Variants in CLVS1 observed in about 807,000 individuals in gnomAD.
CLVS1 encodes the protein clavesin 1, also known as clavesin-1.
A neutral mutation model predicts 33.1 loss-of-function variants in CLVS1; 10 were observed. That is an observed-to-expected ratio of 0.30 (90% confidence interval 0.19 to 0.51). The LOEUF (loss-of-function observed/expected upper bound fraction) is 0.51, where lower values mean the gene tolerates loss of function less well. Ranked by LOEUF, CLVS1 falls within the 20% of genes least tolerant of loss-of-function variation. The pLI is 0.97. For missense variants in CLVS1, 343 were observed against 433.4 expected, an observed-to-expected ratio of 0.79 and a Z score of 1.85; for synonymous variants, 163 against 166.1, an observed-to-expected ratio of 0.98 and a Z score of 0.14.
At chr8:61,483,716 T>C (rs1042447733) in intron 5 of CLVS1, among the ~76,000 whole-genome samples, 2 of 152,176 alleles carry the variant, frequency 1.3e-5, no homozygotes, top group Non-Finnish European at 2.9e-5. Context: ...ACTGGCAAAC[T>C]GAATGCAGCA....
intron 2 of CLVS1, among the ~76,000 whole-genome samples, chr8:61,304,986 C>T (rs931747226): frequency 1.2e-4 from 18 of 152,056 alleles, no homozygotes; most frequent in African/African-American, 3.6e-4. Flanking sequence ...CTCTGAACCC[C>T]GATGGCCAGC....
chr8:61,427,890 C>T (rs1055416844), intron 3 of CLVS1, among the ~76,000 whole-genome samples: 10 of 152,226 alleles, frequency 6.6e-5, no homozygotes, highest in African/African-American at 2.4e-4. Flanking sequence ...TGCAGGCCTC[C>T]TTCTCCGGAG....
intron 1 of CLVS1, among the ~76,000 whole-genome samples, chr8:61,066,794 G>A (rs562337054): frequency 6.6e-6 from 1 of 152,362 alleles, no homozygotes; most frequent in African/African-American, 2.4e-5. Flanking sequence ...TCAGGGGAAA[G>A]TGTCCACGCA....
rs186140868 is a variant in CLVS1 at position 61,084,783 on chromosome 8, C to A, written c.-243+27553C>A. Among the ~76,000 whole-genome samples the A allele has an allele frequency of 3.3e-5, 5 of 152,272 alleles. No homozygotes were observed. In the East Asian group the frequency reaches 9.6e-4, roughly 29 times the overall value. The stretch of plus-strand genomic sequence containing the variant: ...GCTGCAGAGAAATCCCAATACTGAT[C>A]TAAAAGTTTGAAACTGTCTCCCCAA... On this transcript the variant is annotated intron_variant, in intron 1 of 2. Transcript: ENST00000522621.
At chr8:61,274,505 C>T (rs1809526572) in intron 2 of CLVS1, among the ~76,000 whole-genome samples, 1 of 152,104 alleles carries the variant, frequency 6.6e-6, no homozygotes, top group Non-Finnish European at 1.5e-5. Flanking sequence ...TCTCCCCCTG[C>T]ATCTTAACCA....
At chr8:61,371,585 C>A (rs1813441229) in intron 2 of CLVS1, among the ~76,000 whole-genome samples, 1 of 152,190 alleles carries the variant, frequency 6.6e-6, no homozygotes, top group African/African-American at 2.4e-5. Flanking sequence ...ACATGGTTAT[C>A]TGATCACTTA....
intron 2 of CLVS1, among the ~76,000 whole-genome samples, chr8:61,261,023 T>G (rs1353778608): frequency 1.3e-5 from 2 of 152,196 alleles, no homozygotes; most frequent in Non-Finnish European, 2.9e-5. Context: ...GACCTCAGAA[T>G]CTATATTTTA....
At chr8:61,139,919 G>T (rs1199193987) in intron 2 of CLVS1, among the ~76,000 whole-genome samples, 2 of 152,154 alleles carry the variant, frequency 1.3e-5, no homozygotes, top group African/African-American at 4.8e-5. Context: ...AGAAGGGAGG[G>T]AGTCTTTTTG....
At chr8:61,467,655 G>A (rs1817595555) in intron 5 of CLVS1, among the ~76,000 whole-genome samples, 1 of 152,158 alleles carries the variant, frequency 6.6e-6, no homozygotes, top group Admixed American at 6.5e-5. Flanking sequence ...CACCATACAG[G>A]AATGGCAGGT....
intron 1 of CLVS1, among the ~76,000 whole-genome samples, chr8:61,291,436 A>AGGT (rs753128852): frequency 1.4e-4 from 21 of 152,332 alleles, no homozygotes; most frequent in Middle Eastern, 3.4e-3. Flanking sequence ...ATAGTATCAA[A>AGGT]GGTCTTAGAC....
rs1379188476 is a variant in CLVS1, at chr8:61,479,471, GT to G, written c.978-19982del. 1.4e-4 allele frequency among the ~76,000 whole-genome samples: 21 copies of G among 152,070 alleles called. 1 individual carries two copies. The highest frequency in any genetic ancestry group is 5.1e-4 in the African/African-American group (21 of 41,390). ...GGACTTCTCTGCATAGGTCATTCTA[GT>G]TAGCCATTCGTCTAATTTTTTTTTC... On this transcript the variant is annotated intron_variant, in intron 5 of 5. Transcript: ENST00000325897.
At chr8:61,466,801 C>T (rs1389239330) in intron 5 of CLVS1, among the ~76,000 whole-genome samples, 1 of 152,114 alleles carries the variant, frequency 6.6e-6, no homozygotes, top group Non-Finnish European at 1.5e-5. Context: ...GTGCCCACCA[C>T]CACACTCAGC....
chr8:61,083,107 A>G (rs1231517693), intron 1 of CLVS1, among the ~76,000 whole-genome samples: 2 of 152,226 alleles, frequency 1.3e-5, no homozygotes, highest in Non-Finnish European at 2.9e-5. Flanking sequence ...AAGAAGGAAA[A>G]TGTTGTAAGT....
intron 1 of CLVS1, among the ~76,000 whole-genome samples, chr8:61,109,643 T>A (rs1805592811): frequency 6.6e-6 from 1 of 152,160 alleles, no homozygotes; most frequent in Non-Finnish European, 1.5e-5. Flanking sequence ...AGAAACTTAA[T>A]CCCCAAAGGG....
intron 1 of CLVS1, among the ~76,000 whole-genome samples, chr8:61,091,753 T>A (rs1314841938): frequency 6.6e-6 from 1 of 152,218 alleles, no homozygotes; most frequent in Non-Finnish European, 1.5e-5. Context: ...TCTGGAAGAC[T>A]TAAGGCCTTT....
intron 2 of CLVS1, among the ~76,000 whole-genome samples, chr8:61,309,216 A>G (rs1810744802): frequency 6.6e-6 from 1 of 152,214 alleles, no homozygotes; most frequent in African/African-American, 2.4e-5. Flanking sequence ...GAAAGTGGAG[A>G]GGGACTTGTT....
At chr8:61,109,129 A>T (rs1198115510) in intron 1 of CLVS1, among the ~76,000 whole-genome samples, 1 of 152,148 alleles carries the variant, frequency 6.6e-6, no homozygotes, top group Non-Finnish European at 1.5e-5. Context: ...AGGGGCTTGT[A>T]GAGGCTGCTA....
chr8:61,408,067 C>A (rs1350755586), intron 3 of CLVS1, among the ~76,000 whole-genome samples: 1 of 152,152 alleles, frequency 6.6e-6, no homozygotes, highest in Non-Finnish European at 1.5e-5. Context: ...CCGGTCCAGG[C>A]ACTTCAAACA....
chr8:61,106,300 A>G (rs1444177014), intron 1 of CLVS1, among the ~76,000 whole-genome samples: 1 of 152,252 alleles, frequency 6.6e-6, no homozygotes. Context: ...ACACAAGCAC[A>G]CACCAACTAC....
Sources: allele counts gnomAD v4.1 joint callset (sites outside exome capture counted in the v4.1 genomes callset), GRCh38; gene constraint gnomAD v4.1.1; transcripts MANE v1.5; gene names NCBI Gene and HGNC (gene_info 2026-07-23, HGNC 2026-07-21).